The following TP53BP2 variants were observed in gnomAD, a reference collection of about 807,000 sequenced individuals.
The protein encoded by TP53BP2 is apoptosis-stimulating of p53 protein 2.
Under a neutral mutation model 126.2 loss-of-function variants are expected in TP53BP2, and 62 were observed. The observed-to-expected ratio is 0.49, with a 90% CI of 0.40 to 0.61. The LOEUF is 0.61. Ranked by LOEUF, TP53BP2 falls within the 20% of genes least tolerant of loss-of-function variation. The pLI, the probability that TP53BP2 is intolerant of heterozygous loss-of-function variation, is 0.00. For missense variants in TP53BP2, 1,215 were observed against 1,402.8 expected, an observed-to-expected ratio of 0.87 and a Z score of 2.14; for synonymous variants, 485 against 502.9, an observed-to-expected ratio of 0.96 and a Z score of 0.48.
chr1:223,818,069 C>T (rs900138327), intron 2 of TP53BP2: 4 of 152,090 alleles, frequency 2.6e-5, no homozygotes, highest in African/African-American at 9.7e-5. Context: ...GGAGAAACAA[C>T]ACAAAAATAT....
At chr1:223,782,361 A>C (rs1661803113) in intron 17 of TP53BP2, among the ~76,000 whole-genome samples, 1 of 152,198 alleles carries the variant, frequency 6.6e-6, no homozygotes, top group Admixed American at 6.5e-5. Flanking sequence ...TTTACCATTG[A>C]TGTTTATGTT....
At chr1:223,792,090 T>G (rs1662175139) in intron 15 of TP53BP2, among the ~76,000 whole-genome samples, 1 of 152,228 alleles carries the variant, frequency 6.6e-6, no homozygotes, top group Admixed American at 6.5e-5. Flanking sequence ...AATCAGCACT[T>G]CTCTCTTAAG....
At chr1:223,838,733 A>G (rs1664005496) in intron 1 of TP53BP2, among the ~76,000 whole-genome samples, 1 of 152,080 alleles carries the variant, frequency 6.6e-6, no homozygotes. Context: ...TACATCATCA[A>G]CTTCAAGCCG....
chr1:223,805,116 A>G (rs1480158951), intron 5 of TP53BP2, among the ~76,000 whole-genome samples: 1 of 152,186 alleles, frequency 6.6e-6, no homozygotes, highest in Non-Finnish European at 1.5e-5. Flanking sequence ...ATCACAGGTA[A>G]ACTATTTCTT....
chr1:223,803,792 T>C (rs547028285), intron 6 of TP53BP2, among the ~76,000 whole-genome samples: 18 of 152,336 alleles, frequency 1.2e-4, no homozygotes, highest in African/African-American at 4.3e-4. Context: ...GGTATCGTAA[T>C]AGATGGAGCT....
chr1:223,831,480 A>AAAAATATATAT (rs1287271743), intron 1 of TP53BP2, among the ~76,000 whole-genome samples: 8 of 32,452 alleles, frequency 2.5e-4, no homozygotes, highest in East Asian at 1.0e-3. Flanking sequence ...AAAAAAAAAA[A>AAAAATATATAT]ATATATATAT....
intron 1 of TP53BP2, among the ~76,000 whole-genome samples, chr1:223,831,484 T>C (rs1189768345): frequency 8.2e-5 from 2 of 24,498 alleles, no homozygotes; most frequent in Non-Finnish European, 1.3e-4. Flanking sequence ...AAAAAAAATA[T>C]ATATATATAT....
intron 1 of TP53BP2, among the ~76,000 whole-genome samples, chr1:223,828,069 T>C (rs1663563931): frequency 6.6e-6 from 1 of 152,228 alleles, no homozygotes. Context: ...TAGGCTACTC[T>C]ATCAACTAAG....
At chr1:223,809,985 C>A (rs1375322674) in intron 4 of TP53BP2, among the ~76,000 whole-genome samples, 1 of 152,126 alleles carries the variant, frequency 6.6e-6, no homozygotes, top group Non-Finnish European at 1.5e-5. Context: ...TACTACTACA[C>A]CCGGCTAATT....
chr1:223,788,938 G>C (rs1305239887), intron 16 of TP53BP2, 70 bp downstream of exon 16: 2 of 1,509,022 alleles, frequency 1.3e-6, no homozygotes, highest in Non-Finnish European at 1.8e-6. Flanking sequence ...AATACTTATT[G>C]AATTATACCC....
chr1:223,802,327 AT>A lies in TP53BP2; in HGVS notation c.1013del (p.Asn338IlefsTer16). ...KENLPVSSDG[N>X]LPQQAASAPS... ...GGGCTGACGCGGCTTGCTGGGGAAG[AT>A]TTCCATCAGATGAAACCTTAGGAAA... On this transcript the variant is annotated frameshift_variant, in exon 9 of 18. Transcript: ENST00000343537. LOFTEE classifies it high-confidence loss of function. The A allele has an allele frequency of 6.2e-7, 1 of 1,614,150 alleles. No individual in the cohort carries two copies. The highest frequency in any genetic ancestry group is 8.5e-7 in the Non-Finnish European group (1 of 1,180,014).
rs575465603 is a variant in TP53BP2 at position 223,838,287 on chromosome 1, A to C, written c.27+7367T>G. On this transcript the variant is annotated intron_variant, in intron 1 of 17. Coordinates refer to ENST00000343537, the MANE Select transcript of TP53BP2 (RefSeq NM_001031685.3). ...AGTGCCTGGAATACAGAAGATGTTAACTAAATATTTGTTGAGCAGATGTTA... is the reference window on the plus strand; with the variant it reads ...AGTGCCTGGAATACAGAAGATGTTACCTAAATATTTGTTGAGCAGATGTTA... Among the ~76,000 whole-genome samples the C allele has an allele frequency of 2.6e-5, 4 of 152,346 alleles. No individual in the cohort carries two copies. The South Asian group carries it at 6.2e-4, about 24-fold the overall frequency.
chr1:223,799,523 G>A (rs1571848451), intron 11 of TP53BP2, among the ~76,000 whole-genome samples: 1 of 152,146 alleles, frequency 6.6e-6, no homozygotes, highest in East Asian at 1.9e-4. Context: ...CTAACTTGGA[G>A]CACTCACACA....
At chr1:223,799,088 T>C (rs747375592) in intron 11 of TP53BP2, among the ~76,000 whole-genome samples, 6 of 152,158 alleles carry the variant, frequency 3.9e-5, no homozygotes, top group Non-Finnish European at 8.8e-5. Flanking sequence ...TATATCTATA[T>C]AAGCTCATAT....
Position 223,796,232 on chromosome 1 carries a change from C to T in TP53BP2, c.2307G>A (p.Glu769=). The T allele has an allele frequency of 1.9e-6, 3 of 1,614,150 alleles. No individual in the cohort carries two copies. The highest frequency in any genetic ancestry group is 2.2e-5 in the South Asian group (2 of 91,078). ...ATGGGTATGATGGGACAGAGATGGT[C>T]TCCATGGCCGCTATGGTGGTCCTCT... is the stretch of plus-strand genomic sequence containing the variant. The part of the protein sequence containing the change: ...LYQRTTIAAM[E]TISVPSYPSK... The change falls in exon 13 of 18, where the codon GAG becomes GAA. Residue 769 remains glutamate, a synonymous_variant. Coordinates refer to ENST00000343537, the MANE Select transcript of TP53BP2 (RefSeq NM_001031685.3). The surrounding 1 kb of genome is among the most constrained non-coding windows in gnomAD (Gnocchi z 4.2).
In TP53BP2 at chr1:223,781,813, A is replaced by G. The variant is rs530470853; in HGVS notation, c.3364-919T>C. On this transcript the variant is annotated intron_variant, in intron 17 of 17. Transcript: ENST00000343537. ...ATATATGCACTTTCCTTTAAAAAAA[A>G]AGATCAGGAAAACAAACCAAAAAAG... Among the ~76,000 whole-genome samples the G allele has an allele frequency of 2.4e-3, 368 of 152,308 alleles. 4 individuals are homozygous for G. The highest frequency in any genetic ancestry group is 8.6e-3 in the African/African-American group (359 of 41,578).
At chr1:223,789,316 A>C (rs1662074941) in intron 15 of TP53BP2, 142 bp from the exon 16 acceptor site, 1 of 878,502 alleles carries the variant, frequency 1.1e-6, no homozygotes, top group African/African-American at 1.7e-5. Flanking sequence ...TTTAAAAACC[A>C]GTTCAACACA....
At chr1:223,837,125 A>C (rs1317988039) in intron 1 of TP53BP2, among the ~76,000 whole-genome samples, 1 of 126,644 alleles carries the variant, frequency 7.9e-6, no homozygotes, top group Non-Finnish European at 1.6e-5. Flanking sequence ...AGGAAAATGA[A>C]GATACTATTG....
chr1:223,792,500 T>C lies in TP53BP2; in HGVS notation c.2885A>G (p.Asn962Ser), dbSNP rs746254112. The C allele has an allele frequency of 5.0e-6, 8 of 1,614,002 alleles. No homozygotes were observed. The highest frequency in any genetic ancestry group is 6.8e-6 in the Non-Finnish European group (8 of 1,179,926). ...IYEVDDPSLPNDEGITALHNA... is the reference protein window; with the variant it reads ...IYEVDDPSLPSDEGITALHNA... The stretch of plus-strand genomic sequence containing the variant: ...GTGAAGAGCCGTGATGCCTTCATCA[T>C]TGGGGAGGCTTGGGTCATCAACCTA... The change falls in exon 15 of 18, where the codon AAT (asparagine) becomes AGT (serine). Residue 962 changes from asparagine to serine, a missense_variant. By Grantham distance (46) the Asn-to-Ser change is conservative. This residue lies in a region of TP53BP2 where 151 missense variants were observed against 231.2 expected (regional missense o/e 0.65). Coordinates refer to ENST00000343537, the MANE Select transcript of TP53BP2 (RefSeq NM_001031685.3).
Sources: gnomAD v4.1 joint callset for allele counts (sites outside exome capture counted in the v4.1 genomes callset) on GRCh38, gnomAD v4.1.1 for gene constraint, gnomAD v4.1.1 regional missense constraint, Gnocchi (gnomAD v3.1) non-coding constraint, MANE v1.5 for transcripts, NCBI Gene and HGNC (gene_info 2026-07-23, HGNC 2026-07-21) for gene names.